The following MAP3K1 variants were observed in gnomAD, a reference collection of about 807,000 sequenced individuals.
MAP3K1 encodes the protein MAP/ERK kinase kinase 1.
MAP3K1 carries 36 observed loss-of-function variants against 144.2 expected under a neutral mutation model. The observed-to-expected ratio is 0.25, with a 90% CI of 0.19 to 0.33. The LOEUF (loss-of-function observed/expected upper bound fraction) is 0.33, where lower values mean the gene tolerates loss of function less well. Ranked by LOEUF, MAP3K1 falls within the 10% of genes least tolerant of loss-of-function variation. The pLI is 1.00. For synonymous variants in MAP3K1, 718 were observed against 688.7 expected, an observed-to-expected ratio of 1.04 and a Z score of -0.67; for missense variants, 1,650 against 1,881.9, an observed-to-expected ratio of 0.88 and a Z score of 2.28.
At chr5:56,832,691 C>G (rs996687345) in intron 1 of MAP3K1, among the ~76,000 whole-genome samples, 1 of 152,084 alleles carries the variant, frequency 6.6e-6, no homozygotes, top group Non-Finnish European at 1.5e-5. Context: ...TTTGTTTAAT[C>G]AGAGCACAAA....
intron 1 of MAP3K1, among the ~76,000 whole-genome samples, chr5:56,845,553 T>C (rs766118857): frequency 1.3e-5 from 2 of 152,242 alleles, no homozygotes; most frequent in African/African-American, 2.4e-5. Context: ...TATGCATCAG[T>C]TGTCTTGTAG....
intron 9 of MAP3K1, 81 bp downstream of exon 9, chr5:56,873,086 C>T (rs760708889): frequency 7.4e-7 from 1 of 1,357,996 alleles, no homozygotes; most frequent in Non-Finnish European, 1.0e-6. Context: ...CTCAGTTGTT[C>T]ATAATTTAAA....
At chr5:56,826,993 T>G (rs1020465563) in intron 1 of MAP3K1, among the ~76,000 whole-genome samples, 3 of 152,052 alleles carry the variant, frequency 2.0e-5, no homozygotes, top group Non-Finnish European at 2.9e-5. Flanking sequence ...TTGGGAAATG[T>G]GAGGTGGAGC....
At chr5:56,821,274 G>C (rs1379442695) in intron 1 of MAP3K1, among the ~76,000 whole-genome samples, 1 of 152,116 alleles carries the variant, frequency 6.6e-6, no homozygotes, top group Non-Finnish European at 1.5e-5. Flanking sequence ...TAATTTGATC[G>C]AGATGTGGAG....
At chr5:56,881,342 C>T (rs924891642) in intron 13 of MAP3K1, 70 bp downstream of exon 13, 12 of 1,363,110 alleles carry the variant, frequency 8.8e-6, no homozygotes, top group Non-Finnish European at 1.2e-5. Context: ...AAGAATGACA[C>T]ATTTTAGATT....
At chr5:56,840,133 C>A (rs914906760) in intron 1 of MAP3K1, among the ~76,000 whole-genome samples, 5 of 151,990 alleles carry the variant, frequency 3.3e-5, no homozygotes, top group African/African-American at 7.3e-5. Context: ...CTTAAATAAG[C>A]GTTTTGTTTG....
At chr5:56,844,220 C>A (rs1357678280) in intron 1 of MAP3K1, among the ~76,000 whole-genome samples, 1 of 114,682 alleles carries the variant, frequency 8.7e-6, no homozygotes, top group Non-Finnish European at 1.6e-5. Context: ...GACAGAGTCT[C>A]GCTCTGTCGC....
intron 6 of MAP3K1, among the ~76,000 whole-genome samples, chr5:56,871,639 A>C (rs1561192858): frequency 6.6e-6 from 1 of 152,182 alleles, no homozygotes; most frequent in Non-Finnish European, 1.5e-5. Flanking sequence ...GGGGGATACA[A>C]ATGTTTCTTT....
At chr5:56,882,907 G>A (rs1433267313) in intron 14 of MAP3K1, 41 bp downstream of exon 14, 1 of 1,505,540 alleles carries the variant, frequency 6.6e-7, no homozygotes, top group Non-Finnish European at 9.1e-7. Context: ...ACTTCCTTGG[G>A]GCTGGGCACA....
intron 1 of MAP3K1, among the ~76,000 whole-genome samples, chr5:56,818,402 G>A (rs1746049093): frequency 6.6e-6 from 1 of 151,640 alleles, no homozygotes; most frequent in Admixed American, 6.6e-5. Context: ...ACTTCCAAGA[G>A]GAAAATCTAA....
chr5:56,815,761 G>T lies in MAP3K1; in HGVS notation c.188G>T (p.Arg63Leu), dbSNP rs1466506537. The T allele has an allele frequency of 7.2e-6, 10 of 1,381,274 alleles. No individual in the cohort carries two copies. Among genetic ancestry groups the T allele is most frequent in the Non-Finnish European group, 9.4e-6 (10 of 1,063,438 alleles). The allele number at this position is 1,381,274 out of a possible 1,614,324, so 85.6% of individuals were successfully genotyped here. A position where few individuals can be genotyped will look rare whatever the true frequency, so the allele number is the denominator to read the frequency against. ...GCGGACTGGCGGCGGCGGCAGCTGCGCAAAGTGCGGAGTGTGGAGCTGGAC... is the reference window on the plus strand; with the variant it reads ...GCGGACTGGCGGCGGCGGCAGCTGCTCAAAGTGCGGAGTGTGGAGCTGGAC... Reference protein sequence around the residue: ...ERADWRRRQLRKVRSVELDQL... With the variant: ...ERADWRRRQLLKVRSVELDQL... Residue 63 changes from arginine (R) to leucine (L), a missense_variant, in exon 1 of 20, where the codon CGC (arginine) becomes CTC (leucine). Physicochemically the swap from Arg to Leu is moderately radical, Grantham distance 102 (BLOSUM62 -2). Transcript: ENST00000399503.
chr5:56,891,412 G>C (rs908784581), intron 19 of MAP3K1, among the ~76,000 whole-genome samples: 2 of 152,144 alleles, frequency 1.3e-5, no homozygotes, highest in African/African-American at 4.8e-5. Context: ...GGATAGGTGA[G>C]TTTAAAGTAT....
intron 18 of MAP3K1, 105 bp from the exon 19 acceptor site, chr5:56,888,121 G>C (rs1748441096): frequency 5.0e-6 from 5 of 1,008,490 alleles, no homozygotes; most frequent in Non-Finnish European, 7.8e-6. Context: ...ATTCCTGTTT[G>C]TACCAGTTTT....
At chr5:56,868,333 AT>A (rs1217448826) in intron 6 of MAP3K1, among the ~76,000 whole-genome samples, 2 of 152,168 alleles carry the variant, frequency 1.3e-5, no homozygotes, top group African/African-American at 4.8e-5. Context: ...GCTAAAAAAA[AT>A]CTGAAACGTC....
chr5:56,830,084 A>G (rs959809170), intron 1 of MAP3K1, among the ~76,000 whole-genome samples: 7 of 152,184 alleles, frequency 4.6e-5, no homozygotes, highest in Admixed American at 3.3e-4. Flanking sequence ...TGTTGGTGAT[A>G]AGATACAAAA....
At chr5:56,824,738 G>A (rs147392955) in intron 1 of MAP3K1, among the ~76,000 whole-genome samples, 1 of 152,280 alleles carries the variant, frequency 6.6e-6, no homozygotes, top group African/African-American at 2.4e-5. Context: ...TATTTCTGTA[G>A]CCTTGATGAT....
chr5:56,817,108 A>G, intron 1 of MAP3K1: 1 of 985,340 alleles, frequency 1.0e-6, no homozygotes, highest in Non-Finnish European at 1.2e-6. Flanking sequence ...GAAGTACAGT[A>G]TGTGTAAGGT....
intron 12 of MAP3K1, 30 bp downstream of exon 12, chr5:56,880,832 G>A (rs1179018153): frequency 1.3e-6 from 2 of 1,536,244 alleles, no homozygotes; most frequent in Non-Finnish European, 1.8e-6. Context: ...AAGGAATATA[G>A]CATATTTTAT....
intron 1 of MAP3K1, among the ~76,000 whole-genome samples, chr5:56,849,436 C>T (rs1291953775): frequency 2.6e-5 from 4 of 151,992 alleles, no homozygotes; most frequent in Admixed American, 2.6e-4. Flanking sequence ...GTAGTAGTGC[C>T]TGTTTCTTGT....
Sources: gnomAD v4.1 joint callset for allele counts (sites outside exome capture counted in the v4.1 genomes callset) on GRCh38, gnomAD v4.1.1 for gene constraint, MANE v1.5 for transcripts, NCBI Gene and HGNC (gene_info 2026-07-23, HGNC 2026-07-21) for gene names.